The following TARS1 variants were observed in gnomAD, a reference collection of about 807,000 sequenced individuals.
TARS1 encodes the protein threonine--tRNA ligase 1, cytoplasmic.
TARS1 carries 57 observed loss-of-function variants against 97.7 expected under a neutral mutation model. That is an observed-to-expected ratio of 0.58 (90% CI 0.47 to 0.73). TARS1 has a LOEUF of 0.73. TARS1 is among the 30% of genes least tolerant of loss of function. The pLI is 0.00. For missense variants in TARS1, 806 were observed against 888.3 expected (o/e 0.91, Z 1.18); for synonymous variants, 312 against 293.7 (o/e 1.06, Z -0.64).
In TARS1 at chr5:33,445,280, G is replaced by T. The variant is rs2111926916; in HGVS notation, c.58-44G>T. On this transcript the variant is annotated intron_variant, in intron 1 of 18. Coordinates refer to ENST00000265112, the MANE Select transcript of TARS1 (RefSeq NM_152295.5). ...CTTCCTGGGGCATCACAGGATGGAG[G>T]TGTCACATTAGATTAAAATATAAAA... 5 of 1,447,874 alleles carry T rather than the reference G, an allele frequency of 3.5e-6. No individual in the cohort carries two copies. In the South Asian group the frequency reaches 6.0e-5, roughly 17 times the overall value. The allele number at this position is 1,447,874 out of a possible 1,614,324, so 89.7% of individuals were successfully genotyped here.
intron 6 of TARS1, 42 bp from the exon 7 acceptor site, chr5:33,455,960 T>A (rs763126194): frequency 1.3e-6 from 2 of 1,571,832 alleles, no homozygotes; most frequent in South Asian, 2.2e-5. Flanking sequence ...AAGTAAAAAT[T>A]AAAGGACAGT....
rs551883380 is a variant in TARS1 at position 33,461,436 on chromosome 5, T to G, written c.1551+141T>G. 1.1e-4 allele frequency: 140 copies of G among 1,246,374 alleles called. 1 individual carries two copies. The East Asian group carries it at 3.2e-3, about 29-fold the overall frequency. 77.2% of individuals were successfully genotyped at this position (1,246,374 alleles called of 1,614,324 possible). A position where few individuals can be genotyped will look rare whatever the true frequency, so the allele number is the denominator to read the frequency against. Reference sequence around the variant, plus strand: ...CCTAGGTTTGTGTAAGCTAGTTTTTTTCTTTATGATTGTGTATTTTTGAAA... The same window carrying G: ...CCTAGGTTTGTGTAAGCTAGTTTTTGTCTTTATGATTGTGTATTTTTGAAA... On this transcript the variant is annotated intron_variant, in intron 13 of 18. Coordinates refer to ENST00000265112, the MANE Select transcript of TARS1 (RefSeq NM_152295.5).
rs763653176 is a variant in TARS1 at position 33,453,366 on chromosome 5, A to T, written c.407A>T (p.Asp136Val). ...VWDLDRPLEE[D>V]CTLELLKFED... Reference sequence around the variant, plus strand: ...GACCTGGACCGCCCTCTGGAAGAAGATTGTACCTTGGAGCTTCTCAAGTTT... The same window carrying T: ...GACCTGGACCGCCCTCTGGAAGAAGTTTGTACCTTGGAGCTTCTCAAGTTT... The change falls in exon 4 of 19, where the codon GAT (aspartate) becomes GTT (valine). Residue 136 changes from aspartate (D) to valine (V), a missense_variant. Coordinates refer to ENST00000265112, the MANE Select transcript of TARS1 (RefSeq NM_152295.5). The T allele has an allele frequency of 1.6e-5, 25 of 1,611,626 alleles. No individual in the cohort carries two copies. Among genetic ancestry groups the T allele is most frequent in the African/African-American group, 1.3e-5 (1 of 74,140 alleles).
At chr5:33,446,648 T>A in intron 2 of TARS1, 1 of 1,286,830 alleles carries the variant, frequency 7.8e-7, no homozygotes, top group Non-Finnish European at 1.0e-6. Context: ...TCACAGAGAC[T>A]GACACAGAGG....
At position 33,467,978 on chromosome 5, in the gene TARS1, A is replaced by G. The variant is rs377148597; in HGVS notation, c.*270A>G. The G allele has an allele frequency of 2.3e-5, 7 of 309,440 alleles. No homozygotes were observed. The East Asian group carries it at 3.9e-4, about 17-fold the overall frequency. 19.2% of individuals were successfully genotyped at this position (309,440 alleles called of 1,614,324 possible). A position where few individuals can be genotyped will look rare whatever the true frequency, so the allele number is the denominator to read the frequency against. On this transcript the variant is annotated 3_prime_UTR_variant, in exon 19 of 19. Transcript: ENST00000265112. ...TGAAACATGAGGAATGCTTTAGTGT[A>G]ATGTGGGAGAACTTTTTTGTAAATT...
intron 9 of TARS1, 135 bp downstream of exon 9, chr5:33,457,538 C>T: frequency 2.2e-6 from 2 of 906,864 alleles, no homozygotes; most frequent in Non-Finnish European, 3.4e-6. Flanking sequence ...GGTGCTATGT[C>T]CTGTACAAAC....
intron 3 of TARS1, among the ~76,000 whole-genome samples, chr5:33,451,124 A>G (rs1741711355): frequency 6.6e-6 from 1 of 152,172 alleles, no homozygotes; most frequent in African/African-American, 2.4e-5. Flanking sequence ...CAGGGAAAAA[A>G]ATAAAAGGTT....
intron 2 of TARS1, among the ~76,000 whole-genome samples, chr5:33,445,853 G>T (rs1028160566): frequency 6.6e-6 from 1 of 152,148 alleles, no homozygotes; most frequent in Non-Finnish European, 1.5e-5. Context: ...CCTGCCCTAG[G>T]GTTGGCTTCT....
intron 8 of TARS1, 47 bp downstream of exon 8, chr5:33,456,274 G>T: frequency 1.4e-6 from 2 of 1,409,142 alleles, no homozygotes. Context: ...GTCTAGAATA[G>T]ATATATGTTT....
rs1180910623 is a variant in TARS1, at chr5:33,457,419, A to G, written c.984+16A>G. ...AATTGGCAGGGTATGTTCAAGAACA[A>G]TGATGTGTCTTGACTGAGTTTTCTT... On this transcript the variant is annotated intron_variant, in intron 9 of 18. Coordinates refer to ENST00000265112, the MANE Select transcript of TARS1 (RefSeq NM_152295.5). The G allele has an allele frequency of 5.0e-6, 8 of 1,613,436 alleles. No homozygotes were observed. The highest frequency in any genetic ancestry group is 1.1e-5 in the South Asian group (1 of 91,002).
intron 17 of TARS1, among the ~76,000 whole-genome samples, chr5:33,464,310 A>G (rs144685678): frequency 1.3e-5 from 2 of 152,342 alleles, no homozygotes; most frequent in East Asian, 1.9e-4. Flanking sequence ...TTCAAAATAC[A>G]GTTTAGGCTG....
chr5:33,458,738 G>T, intron 10 of TARS1, 74 bp downstream of exon 10: 1 of 1,163,346 alleles, frequency 8.6e-7, no homozygotes, highest in Non-Finnish European at 1.2e-6. Context: ...TCTACTAAAA[G>T]GAAAGATAAT....
chr5:33,457,411 C>A lies in TARS1; in HGVS notation c.984+8C>A. 6.2e-7 allele frequency: 1 copy of A among 1,613,620 alleles called. No individual in the cohort carries two copies. Among genetic ancestry groups the A allele is most frequent in the South Asian group, 1.1e-5 (1 of 91,000 alleles). On this transcript the variant is annotated splice_region_variant and intron_variant, in intron 9 of 18. Transcript: ENST00000265112. ...CATAGGAAAATTGGCAGGGTATGTT[C>A]AAGAACAATGATGTGTCTTGACTGA...
intron 1 of TARS1, among the ~76,000 whole-genome samples, chr5:33,445,043 C>A (rs1379402368): frequency 6.6e-6 from 1 of 151,736 alleles, no homozygotes; most frequent in African/African-American, 2.4e-5. Context: ...TCCAAGTAAA[C>A]CTGAAGCGAG....
chr5:33,445,284 C>CA (rs1219126948), intron 1 of TARS1, 40 bp from the exon 2 acceptor site: 1 of 1,509,436 alleles, frequency 6.6e-7, no homozygotes, highest in Non-Finnish European at 9.1e-7. Flanking sequence ...ATGGAGGTGT[C>CA]ACATTAGATT....
chr5:33,446,824 G>A, intron 2 of TARS1: 1 of 1,062,438 alleles, frequency 9.4e-7, no homozygotes, highest in South Asian at 1.5e-5. Flanking sequence ...GCATTAGTCT[G>A]AGGGGTTCAG....
At chr5:33,456,102 T>A (rs779753191) in intron 7 of TARS1, 36 bp downstream of exon 7, 31 of 1,612,560 alleles carry the variant, frequency 1.9e-5, no homozygotes, top group Non-Finnish European at 2.3e-5. Context: ...GTATCTGGTA[T>A]GTATGTCATT....
chr5:33,452,438 C>A, intron 3 of TARS1: 1 of 1,534,876 alleles, frequency 6.5e-7, no homozygotes, highest in Non-Finnish European at 8.7e-7. Context: ...TCTTTTCTTC[C>A]TGTGAGTGCT....
At position 33,455,985 on chromosome 5, in the gene TARS1, A is replaced by T; in HGVS notation, c.694-17A>T. Reference sequence around the variant, plus strand: ...TAAAGGACAGTTTTTTAAAATAATAATTTTTCCTGTTTTCAGTACAACAAG... The same window carrying T: ...TAAAGGACAGTTTTTTAAAATAATATTTTTTCCTGTTTTCAGTACAACAAG... On this transcript the variant is annotated splice_polypyrimidine_tract_variant and intron_variant, in intron 6 of 18. Coordinates refer to ENST00000265112, the MANE Select transcript of TARS1 (RefSeq NM_152295.5). 1.2e-6 allele frequency: 2 copies of T among 1,611,052 alleles called. No individual in the cohort carries two copies. The highest frequency in any genetic ancestry group is 1.7e-6 in the Non-Finnish European group (2 of 1,178,204).
Sources: allele counts gnomAD v4.1 joint callset (sites outside exome capture counted in the v4.1 genomes callset), GRCh38; gene constraint gnomAD v4.1.1; transcripts MANE v1.5; gene names NCBI Gene and HGNC (gene_info 2026-07-23, HGNC 2026-07-21).